The following CAPS2 variants were observed in gnomAD, a reference collection of about 807,000 sequenced individuals.
CAPS2 encodes calcyphosin-2.
In CAPS2, 98 loss-of-function variants were observed where a neutral mutation model predicts 86.5. That is an observed-to-expected ratio of 1.13 (90% CI 0.96 to 1.34). The LOEUF (loss-of-function observed/expected upper bound fraction) is 1.34, where lower values mean the gene tolerates loss of function less well. CAPS2 is among the 40% of genes most tolerant of loss of function. The pLI is 0.00. For missense variants in CAPS2, 729 were observed against 686.8 expected (o/e 1.06, Z -0.69); for synonymous variants, 210 against 225.1 (o/e 0.93, Z 0.60).
intron 7 of CAPS2, chr12:75,305,792 G>T: frequency 1.4e-6 from 1 of 733,446 alleles, no homozygotes; most frequent in South Asian, 1.3e-5. Context: ...GGATGTCGTC[G>T]GCAGCTACAA....
intron 15 of CAPS2, among the ~76,000 whole-genome samples, chr12:75,283,584 G>T (rs1477537785): frequency 6.6e-6 from 1 of 152,096 alleles, no homozygotes; most frequent in East Asian, 1.9e-4. Flanking sequence ...AGCTGAGGTG[G>T]GTGGATCACC....
chr12:75,305,707 G>A (rs890752269), intron 7 of CAPS2: 2 of 668,788 alleles, frequency 3.0e-6, no homozygotes, highest in Non-Finnish European at 5.7e-6. Flanking sequence ...TGCAGAAGGC[G>A]CACGACGAGC....
upstream of CAPS2, chr12:75,334,993 C>A: frequency 7.2e-6 from 9 of 1,257,296 alleles, no homozygotes; most frequent in South Asian, 2.9e-5. Flanking sequence ...TGTACTAATT[C>A]AATCCGGACT....
At chr12:75,327,229 C>T (rs909732323), upstream of CAPS2, among the ~76,000 whole-genome samples, 3 of 152,194 alleles carry the variant, frequency 2.0e-5, no homozygotes, top group African/African-American at 2.4e-5. Flanking sequence ...ACATTTATTT[C>T]CTTTACTCAT....
At position 75,370,061 on chromosome 12, in the gene CAPS2, T is replaced by C. The variant is rs2044258276; in HGVS notation, c.-395+20777A>G. On this transcript the variant is annotated intron_variant, in intron 1 of 5. Coordinates refer to the CAPS2 transcript ENST00000551829. ...AAATCAATTGAACTCTTAACTATTC[T>C]GGTTTTGTTTTTGTTTTTGACAGAA... 7.6e-6 allele frequency: 11 copies of C among 1,455,496 alleles called. No homozygotes were observed. In the East Asian group the frequency reaches 2.5e-4, roughly 33 times the overall value. 90.2% of individuals were successfully genotyped at this position (1,455,496 alleles called of 1,614,324 possible). A position where few individuals can be genotyped will look rare whatever the true frequency, so the allele number is the denominator to read the frequency against.
At chr12:75,333,805 TA>T (rs2041512651), upstream of CAPS2, 2 of 152,196 alleles carry the variant, frequency 1.3e-5, no homozygotes, top group African/African-American at 4.8e-5. Context: ...AATTACTAAG[TA>T]AAGGTATTTA....
At chr12:75,335,044 G>C, upstream of CAPS2, 2 of 737,742 alleles carry the variant, frequency 2.7e-6, no homozygotes, top group Non-Finnish European at 4.4e-6. Context: ...TCACACCTTG[G>C]TTGGGCTGTC....
chr12:75,304,796 G>A lies in CAPS2; in HGVS notation c.740C>T (p.Thr247Ile), dbSNP rs1179674044. 9 of 1,606,362 alleles carry A rather than the reference G, an allele frequency of 5.6e-6. No individual in the cohort carries two copies. The African/African-American group carries it at 1.2e-4, about 22-fold the overall frequency. ...TGTTCTTTTTCTAAATCGAAGAGGT[G>A]TCATCTTTGAATCTGGAAGGATATG... Residue 247 changes from threonine to isoleucine, a missense_variant, in exon 8 of 17, where the codon ACA (threonine) becomes ATA (isoleucine). Thr to Ile is a moderately conservative substitution (Grantham distance 89). Coordinates refer to ENST00000393284, the Ensembl canonical transcript of CAPS2.
chr12:75,329,883 G>T, upstream of CAPS2: 1 of 1,543,816 alleles, frequency 6.5e-7, no homozygotes, highest in South Asian at 1.2e-5. Flanking sequence ...GGGATTCCTG[G>T]ACAGGACAGG....
chr12:75,307,631 C>A (rs1337840995), intron 7 of CAPS2, among the ~76,000 whole-genome samples: 1 of 152,058 alleles, frequency 6.6e-6, no homozygotes, highest in African/African-American at 2.4e-5. Context: ...TTGATCTTTA[C>A]AAATTATATT....
intron 1 of CAPS2, among the ~76,000 whole-genome samples, chr12:75,342,189 C>T (rs1401770491): frequency 6.6e-6 from 1 of 152,130 alleles, no homozygotes; most frequent in Non-Finnish European, 1.5e-5. Context: ...TGAAACAGTG[C>T]TGTATCTAGA....
At chr12:75,374,203 A>G (rs145698490) in intron 1 of CAPS2, among the ~76,000 whole-genome samples, 267 of 152,304 alleles carry the variant, frequency 1.8e-3, no homozygotes, top group Non-Finnish European at 3.0e-3. Flanking sequence ...ATATGGCCCA[A>G]ATGGCAGAGA....
At chr12:75,293,469 T>C (rs2036364047) in intron 11 of CAPS2, 102 bp from the exon 12 acceptor site, 2 of 761,050 alleles carry the variant, frequency 2.6e-6, no homozygotes, top group South Asian at 1.6e-5. Flanking sequence ...TGACACGATA[T>C]ACTTTAACAA....
chr12:75,364,604 A>G (rs756916643), intron 1 of CAPS2, among the ~76,000 whole-genome samples: 3 of 152,232 alleles, frequency 2.0e-5, no homozygotes, highest in Non-Finnish European at 4.4e-5. Flanking sequence ...CAACAAACAA[A>G]AACACAAAGG....
At chr12:75,381,966 T>C (rs116608664) in intron 1 of CAPS2, among the ~76,000 whole-genome samples, 1 of 152,332 alleles carries the variant, frequency 6.6e-6, no homozygotes, top group African/African-American at 2.4e-5. Flanking sequence ...TCCTTGGACA[T>C]TTATCTAGCA....
At chr12:75,342,947 T>C (rs1365958695) in intron 1 of CAPS2, among the ~76,000 whole-genome samples, 1 of 136,156 alleles carries the variant, frequency 7.3e-6, no homozygotes, top group Non-Finnish European at 1.6e-5. Flanking sequence ...TTGTAGAATA[T>C]ATAGATATAT....
chr12:75,382,445 G>T (rs2045049460), intron 1 of CAPS2, among the ~76,000 whole-genome samples: 1 of 152,076 alleles, frequency 6.6e-6, no homozygotes, highest in African/African-American at 2.4e-5. Flanking sequence ...TTCAAGACCA[G>T]CCTGGCCAAC....
At chr12:75,302,624 A>G (rs1177427707) in intron 8 of CAPS2, among the ~76,000 whole-genome samples, 1 of 152,232 alleles carries the variant, frequency 6.6e-6, no homozygotes, top group Non-Finnish European at 1.5e-5. Context: ...ACAGAGTAGG[A>G]AAAGATATGT....
intron 1 of CAPS2, among the ~76,000 whole-genome samples, chr12:75,361,183 T>C (rs2043561124): frequency 6.6e-6 from 1 of 151,920 alleles, no homozygotes; most frequent in African/African-American, 2.4e-5. Context: ...GTGTGCTGAT[T>C]GGTCTGTTGG....
Sources: allele counts gnomAD v4.1 joint callset (sites outside exome capture counted in the v4.1 genomes callset), GRCh38; gene constraint gnomAD v4.1.1; transcripts MANE v1.5; gene names NCBI Gene and HGNC (gene_info 2026-07-23, HGNC 2026-07-21).